ADGRL3: variants seen among roughly 807,000 people sequenced by gnomAD.
ADGRL3 encodes the protein calcium-independent alpha-latrotoxin receptor 3.
Under a neutral mutation model 153.5 loss-of-function variants are expected in ADGRL3, and 62 were observed. The ratio of observed to expected loss-of-function variants is 0.40; its 90% CI spans 0.33 to 0.50. The LOEUF (loss-of-function observed/expected upper bound fraction) is 0.50, where lower values mean the gene tolerates loss of function less well. Ranked by LOEUF, ADGRL3 falls within the 20% of genes least tolerant of loss-of-function variation. ADGRL3 has a pLI of 0.47. For missense variants in ADGRL3, 1,641 were observed against 1,859.4 expected (o/e 0.88, Z 2.16); for synonymous variants, 710 against 672.5 (o/e 1.06, Z -0.86).
At chr4:61,472,577 C>T (rs994468665) in intron 2 of ADGRL3, among the ~76,000 whole-genome samples, 1 of 151,960 alleles carries the variant, frequency 6.6e-6, no homozygotes, top group South Asian at 2.1e-4. Context: ...GGTGAAATCC[C>T]ATCACATCTG....
intron 1 of ADGRL3, among the ~76,000 whole-genome samples, chr4:61,286,073 T>A: frequency 6.6e-6 from 1 of 151,776 alleles, no homozygotes; most frequent in South Asian, 2.1e-4. Context: ...CATTTAAAAA[T>A]GAAACTAGAT....
chr4:61,456,007 G>A (rs2097731195), intron 2 of ADGRL3, among the ~76,000 whole-genome samples: 1 of 151,624 alleles, frequency 6.6e-6, no homozygotes, highest in Admixed American at 6.6e-5. Flanking sequence ...GTTGAAAGGG[G>A]GTTTCTCCAC....
intron 5 of ADGRL3, among the ~76,000 whole-genome samples, chr4:61,602,392 A>G (rs890614158): frequency 2.6e-5 from 4 of 152,178 alleles, no homozygotes; most frequent in African/African-American, 9.6e-5. Flanking sequence ...TTTTGCCTCC[A>G]TGGAATACTT....
rs147786555 is a variant in ADGRL3 at position 61,377,701 on chromosome 4, A to G, written c.-239-5423A>G. On this transcript the variant is annotated intron_variant, in intron 1 of 26. Coordinates refer to ENST00000683033, the MANE Select transcript of ADGRL3 (RefSeq NM_001387552.1). ...TACACCTTCTTTCCTTTATTCCTCT[A>G]TTCTTTCCTTCATTCCCTCTTTTTT... 5.5e-3 allele frequency among the ~76,000 whole-genome samples: 830 copies of G among 150,488 alleles called. 7 individuals carry two copies. The highest frequency in any genetic ancestry group is 0.019 in the African/African-American group (788 of 41,158).
intron 6 of ADGRL3, among the ~76,000 whole-genome samples, chr4:61,701,810 G>A (rs1486779666): frequency 6.6e-6 from 1 of 151,950 alleles, no homozygotes; most frequent in African/African-American, 2.4e-5. Context: ...AAAAAATACA[G>A]ATTTGAAGAT....
At chr4:61,573,034 A>G (rs939129834) in intron 4 of ADGRL3, among the ~76,000 whole-genome samples, 2 of 152,040 alleles carry the variant, frequency 1.3e-5, no homozygotes, top group African/African-American at 4.8e-5. Context: ...GCCAAATCTT[A>G]GGACCTACAT....
chr4:62,014,150 C>T (rs1174388835), intron 21 of ADGRL3, among the ~76,000 whole-genome samples: 1 of 152,012 alleles, frequency 6.6e-6, no homozygotes, highest in Non-Finnish European at 1.5e-5. Context: ...TAGTAAATAG[C>T]TCATGGCAAA....
intron 2 of ADGRL3, among the ~76,000 whole-genome samples, chr4:61,386,682 T>A (rs1452375216): frequency 6.6e-6 from 1 of 152,088 alleles, no homozygotes; most frequent in Non-Finnish European, 1.5e-5. Flanking sequence ...ATGAGAAAAA[T>A]ATGGCAACAA....
chr4:61,413,810 C>T (rs2097114728), intron 2 of ADGRL3, among the ~76,000 whole-genome samples: 1 of 152,144 alleles, frequency 6.6e-6, no homozygotes, highest in African/African-American at 2.4e-5. Context: ...CTCAGAGCCA[C>T]GTTGTTCCAT....
At chr4:61,787,268 A>T (rs1231715981) in intron 8 of ADGRL3, among the ~76,000 whole-genome samples, 1 of 152,020 alleles carries the variant, frequency 6.6e-6, no homozygotes, top group African/African-American at 2.4e-5. Flanking sequence ...ACATTATTGG[A>T]CTTCCTGAAA....
chr4:61,445,447 T>G (rs1242635578), intron 2 of ADGRL3, among the ~76,000 whole-genome samples: 1 of 152,192 alleles, frequency 6.6e-6, no homozygotes, highest in Admixed American at 6.5e-5. Context: ...GGAAGGTGTG[T>G]TCACTGTTTA....
At chr4:62,007,562 A>G (rs536073583) in intron 21 of ADGRL3, among the ~76,000 whole-genome samples, 3 of 149,506 alleles carry the variant, frequency 2.0e-5, no homozygotes, top group African/African-American at 7.4e-5. Flanking sequence ...ATGAGTTTAG[A>G]ATCCTTTGAC....
chr4:61,959,505 C>A (rs2150460859), intron 17 of ADGRL3, among the ~76,000 whole-genome samples: 1 of 152,134 alleles, frequency 6.6e-6, no homozygotes, highest in South Asian at 2.1e-4. Context: ...CAAGTATGGG[C>A]CTTTATTTGT....
intron 8 of ADGRL3, among the ~76,000 whole-genome samples, chr4:61,804,418 C>T (rs954478538): frequency 1.3e-5 from 2 of 152,000 alleles, no homozygotes; most frequent in African/African-American, 4.8e-5. Flanking sequence ...AATAAGAGTC[C>T]CCTTGTCTCT....
chr4:61,751,872 A>C (rs1198889374), intron 8 of ADGRL3, among the ~76,000 whole-genome samples: 4 of 152,212 alleles, frequency 2.6e-5, no homozygotes, highest in Non-Finnish European at 4.4e-5. Context: ...GAAGAAAGGA[A>C]AGGAGAAATA....
intron 2 of ADGRL3, among the ~76,000 whole-genome samples, chr4:61,470,789 A>G (rs563469558): frequency 1.3e-5 from 2 of 152,066 alleles, no homozygotes; most frequent in South Asian, 4.1e-4. Flanking sequence ...TAATTCCTAC[A>G]AAGATTTAAA....
chr4:61,453,414 G>C (rs2097697932), intron 2 of ADGRL3, among the ~76,000 whole-genome samples: 1 of 152,176 alleles, frequency 6.6e-6, no homozygotes, highest in Admixed American at 6.5e-5. Flanking sequence ...CTTTTGGATT[G>C]ATTCCTAGGG....
intron 9 of ADGRL3, among the ~76,000 whole-genome samples, chr4:61,884,585 C>T (rs1412437103): frequency 6.6e-6 from 1 of 152,052 alleles, no homozygotes; most frequent in African/African-American, 2.4e-5. Flanking sequence ...TTCCTCTACT[C>T]TCAACTGCAG....
intron 1 of ADGRL3, among the ~76,000 whole-genome samples, chr4:61,248,866 G>C (rs1321468017): frequency 6.6e-6 from 1 of 152,112 alleles, no homozygotes; most frequent in Non-Finnish European, 1.5e-5. Flanking sequence ...CTTGTTTATC[G>C]AGCTACACCT....
Sources: allele counts gnomAD v4.1 joint callset (sites outside exome capture counted in the v4.1 genomes callset), GRCh38; gene constraint gnomAD v4.1.1; transcripts MANE v1.5; gene names NCBI Gene and HGNC (gene_info 2026-07-23, HGNC 2026-07-21).